The following PCDHGB1 variants were observed in gnomAD, a reference collection of about 807,000 sequenced individuals.
The protein encoded by PCDHGB1 is protocadherin gamma-B1.
In PCDHGB1, 34 loss-of-function variants were observed where a neutral mutation model predicts 56.6. The observed-to-expected ratio is 0.60, with a 90% CI of 0.46 to 0.80. The LOEUF is 0.80. PCDHGB1 is among the 30% of genes least tolerant of loss of function. The probability of loss-of-function intolerance (pLI) is 0.00; values close to 1 mark genes in which losing one functional copy is unlikely to be tolerated. For missense variants in PCDHGB1, 1,278 were observed against 1,204.6 expected, an observed-to-expected ratio of 1.06 and a Z score of -0.90; for synonymous variants, 561 against 505.9, an observed-to-expected ratio of 1.11 and a Z score of -1.46.
At chr5:141,428,024 A>G (rs2097101613) in intron 1 of PCDHGB1, 1 of 1,606,106 alleles carries the variant, frequency 6.2e-7, no homozygotes, top group African/African-American at 1.3e-5. Context: ...CACGCGCCGC[A>G]GAGTCCGGCT....
intron 1 of PCDHGB1, chr5:141,375,643 C>A (rs1443985601): frequency 6.2e-7 from 1 of 1,614,210 alleles, no homozygotes; most frequent in Non-Finnish European, 8.5e-7. Context: ...TGCGCTCCTT[C>A]GACTATGAGC....
chr5:141,478,106 G>A (rs1474192496), intron 1 of PCDHGB1: 1 of 1,613,928 alleles, frequency 6.2e-7, no homozygotes, highest in Non-Finnish European at 8.5e-7. Context: ...TACCCTCACT[G>A]TGTCAGTAAC....
chr5:141,430,587 T>C, intron 1 of PCDHGB1: 1 of 521,996 alleles, frequency 1.9e-6, no homozygotes, highest in Non-Finnish European at 3.1e-6. Context: ...CCTGCTCGCC[T>C]TGCACGCGCC....
intron 1 of PCDHGB1, chr5:141,484,889 T>C (rs2099602721): frequency 2.8e-6 from 1 of 363,070 alleles, no homozygotes. Flanking sequence ...GTGGGCTTTT[T>C]CCCCTCCAAT....
intron 1 of PCDHGB1, among the ~76,000 whole-genome samples, chr5:141,466,506 G>A (rs1417729031): frequency 6.6e-6 from 1 of 152,156 alleles, no homozygotes; most frequent in Non-Finnish European, 1.5e-5. Context: ...GCACAGACAA[G>A]ATCATTTTTT....
At position 141,352,265 on chromosome 5, in the gene PCDHGB1, C is replaced by A. The variant is rs760271009; in HGVS notation, c.2005C>A (p.Pro669Thr). The change falls in exon 1 of 4, where the codon CCA becomes ACA. Residue 669 changes from proline to threonine, a missense_variant. Pro to Thr is a conservative substitution (Grantham distance 38, BLOSUM62 -1). Transcript: ENST00000523390. ...CGCGGATAGCCTGCAAGAGGTATTGCCAGACCTCAGCGACCGCCCTGAGCC... is the reference window on the plus strand; with the variant it reads ...CGCGGATAGCCTGCAAGAGGTATTGACAGACCTCAGCGACCGCCCTGAGCC... Reference protein sequence around the residue: ...IFADSLQEVLPDLSDRPEPSD... With the variant: ...IFADSLQEVLTDLSDRPEPSD... The A allele has an allele frequency of 1.2e-6, 2 of 1,614,084 alleles. No individual in the cohort carries two copies. Among genetic ancestry groups the A allele is most frequent in the South Asian group, 2.2e-5 (2 of 91,090 alleles).
rs773383689 is a variant in PCDHGB1, at chr5:141,383,358, G to T, written c.2409+30689G>T. 5 of 1,613,982 alleles carry T rather than the reference G, an allele frequency of 3.1e-6. No individual in the cohort carries two copies. The South Asian group carries it at 3.3e-5, about 11-fold the overall frequency. ...ATACAGCTCCTGGGGTTCGGTTTCC[G>T]TTAAGCGAGGCTGGGGATCCAGATG... On this transcript the variant is annotated intron_variant, in intron 1 of 3. Transcript: ENST00000523390.
In PCDHGB1 at chr5:141,476,288, C is replaced by A. The variant is rs1446743849; in HGVS notation, c.2410-18519C>A. 3.1e-6 allele frequency: 5 copies of A among 1,613,980 alleles called. No homozygotes were observed. The highest frequency in any genetic ancestry group is 3.4e-6 in the Non-Finnish European group (4 of 1,180,026). ...CGTGGTCGCGAACCTTGGTTTGGAT[C>A]TCGGTAGCCTCTCAGCCCGCAGGTT... On this transcript the variant is annotated intron_variant, in intron 1 of 3. Coordinates refer to ENST00000523390, the MANE Select transcript of PCDHGB1 (RefSeq NM_018922.3). This position sits in a 1 kb window ranked among gnomAD's most constrained non-coding sequence, Gnocchi z 7.6.
In PCDHGB1 at chr5:141,460,961, A is replaced by ATATGTGTGTG. The variant is rs1463306338; in HGVS notation, c.2410-33845_2410-33844insATGTGTGTGT. On this transcript the variant is annotated intron_variant, in intron 1 of 3. Coordinates refer to ENST00000523390, the MANE Select transcript of PCDHGB1 (RefSeq NM_018922.3). ...ATATATATGTATTATGTATATATAT[A>ATATGTGTGTG]TGTGTGTGTGTGTGTGTGTGTGTAT... Among the ~76,000 whole-genome samples the ATATGTGTGTG allele has an allele frequency of 1.3e-3, 194 of 144,616 alleles. 1 individual carries two copies. The highest frequency in any genetic ancestry group is 4.7e-3 in the African/African-American group (182 of 38,716). 94.9% of individuals were successfully genotyped at this position (144,616 alleles called of 152,430 possible). A position where few individuals can be genotyped will look rare whatever the true frequency, so the allele number is the denominator to read the frequency against.
chr5:141,379,137 C>A (rs1322597414), intron 1 of PCDHGB1: 2 of 152,216 alleles, frequency 1.3e-5, no homozygotes, highest in African/African-American at 2.4e-5. Context: ...AAATGAGAAC[C>A]TCCTTTGTAA....
chr5:141,358,915 G>A (rs28587232), intron 1 of PCDHGB1, among the ~76,000 whole-genome samples: 3,974 of 152,296 alleles, frequency 0.026, 167 homozygotes, highest in African/African-American at 0.091. Context: ...AATATTTTGT[G>A]TGTAGGGGAT....
chr5:141,423,996 A>G (rs1164307988), intron 1 of PCDHGB1: 1 of 1,079,028 alleles, frequency 9.3e-7, no homozygotes, highest in African/African-American at 1.7e-5. Context: ...AATTTATTAT[A>G]TATAGATACA....
At chr5:141,370,553 C>T in intron 1 of PCDHGB1, 1 of 1,613,810 alleles carries the variant, frequency 6.2e-7, no homozygotes, top group African/African-American at 1.3e-5. Flanking sequence ...TCGCCAAGGA[C>T]CTGGGGTTTG....
At chr5:141,428,466 A>G (rs1230267635) in intron 1 of PCDHGB1, 1 of 344,756 alleles carries the variant, frequency 2.9e-6, no homozygotes, top group Admixed American at 4.1e-5. Context: ...ACAATGAGGG[A>G]ACTTTGCTTT....
intron 1 of PCDHGB1, chr5:141,376,346 C>T (rs1772586691): frequency 2.5e-6 from 4 of 1,614,194 alleles, no homozygotes; most frequent in East Asian, 4.5e-5. Context: ...GACCTATTCC[C>T]ACGAGGTCTC....
intron 1 of PCDHGB1, among the ~76,000 whole-genome samples, chr5:141,442,717 C>T (rs918238654): frequency 1.3e-5 from 2 of 152,166 alleles, no homozygotes; most frequent in African/African-American, 2.4e-5. Flanking sequence ...CATGCCAGAG[C>T]ATTTGGGGCC....
chr5:141,503,713 C>T (rs867005984), intron 2 of PCDHGB1, among the ~76,000 whole-genome samples: 6 of 152,134 alleles, frequency 3.9e-5, no homozygotes, highest in Non-Finnish European at 8.8e-5. Context: ...TCCCCTTCAA[C>T]CCTAGCTTTA....
Position 141,361,522 on chromosome 5 carries a change from G to C in PCDHGB1, c.2409+8853G>C. 13 of 1,614,054 alleles carry C rather than the reference G, an allele frequency of 8.1e-6. No individual in the cohort carries two copies. The highest frequency in any genetic ancestry group is 1.0e-5 in the Non-Finnish European group (12 of 1,179,900). On this transcript the variant is annotated intron_variant, in intron 1 of 3. Coordinates refer to ENST00000523390, the MANE Select transcript of PCDHGB1 (RefSeq NM_018922.3). ...GACTTCCTACATGGTTCACGTGGCA[G>C]AGAACAATCCTCCTGGCGCCTCTAT... is the stretch of plus-strand genomic sequence containing the variant.
chr5:141,420,846 T>C (rs2096528755), intron 1 of PCDHGB1, among the ~76,000 whole-genome samples: 1 of 152,252 alleles, frequency 6.6e-6, no homozygotes, highest in Non-Finnish European at 1.5e-5. Context: ...GTGTTCTTGG[T>C]AAAGTTTTAA....
Sources: allele counts gnomAD v4.1 joint callset (sites outside exome capture counted in the v4.1 genomes callset), GRCh38; gene constraint gnomAD v4.1.1; non-coding constraint Gnocchi (gnomAD v3.1); transcripts MANE v1.5; gene names NCBI Gene and HGNC (gene_info 2026-07-23, HGNC 2026-07-21).